EXOC4: variants seen among roughly 807,000 people sequenced by gnomAD.
EXOC4 encodes exocyst complex component 4.
Under a neutral mutation model 107.2 loss-of-function variants are expected in EXOC4, and 71 were observed. That is an observed-to-expected ratio of 0.66 (90% CI 0.55 to 0.81). The LOEUF (loss-of-function observed/expected upper bound fraction) is 0.81, where lower values mean the gene tolerates loss of function less well. Among genes scored for constraint, EXOC4 ranks in the 30% least tolerant of loss-of-function variants. The pLI is 0.00. For synonymous variants in EXOC4, 456 were observed against 441.2 expected, an observed-to-expected ratio of 1.03 and a Z score of -0.42; for missense variants, 1,108 against 1,189.6, an observed-to-expected ratio of 0.93 and a Z score of 1.01.
intron 9 of EXOC4, among the ~76,000 whole-genome samples, chr7:133,598,752 C>T (rs1039960039): frequency 2.0e-5 from 3 of 152,056 alleles, no homozygotes; most frequent in African/African-American, 4.8e-5. Context: ...GAGGCTGAAG[C>T]GGGTGGATTA....
At chr7:134,060,005 A>C (rs924790044) in intron 17 of EXOC4, among the ~76,000 whole-genome samples, 21 of 152,220 alleles carry the variant, frequency 1.4e-4, no homozygotes, top group Admixed American at 1.4e-3. Flanking sequence ...GTCGCAGTGC[A>C]ATACCATTAA....
intron 7 of EXOC4, among the ~76,000 whole-genome samples, chr7:133,461,102 T>C (rs1798582772): frequency 6.6e-6 from 1 of 152,118 alleles, no homozygotes; most frequent in South Asian, 2.1e-4. Context: ...AGAATTTAGG[T>C]ATTTTGGAAA....
chr7:133,475,364 C>G lies in EXOC4; in HGVS notation c.1219C>G (p.Arg407Gly). ...TGAGTACTTGGATATGAAAAATACT[C>G]GTACGGCCTCTGAACCATCAGCTCA... ...LTEYLDMKNT[R>G]TASEPSAQLS... The change falls in exon 8 of 18, where the codon CGT becomes GGT. Residue 407 changes from arginine to glycine, a missense_variant. By Grantham distance (125) the Arg-to-Gly change is moderately radical (BLOSUM62 -2). Transcript: ENST00000253861. 1 of 1,613,696 alleles carries G rather than the reference C, an allele frequency of 6.2e-7. No homozygotes were observed. Among genetic ancestry groups the G allele is most frequent in the Non-Finnish European group, 8.5e-7 (1 of 1,179,624 alleles).
intron 11 of EXOC4, among the ~76,000 whole-genome samples, chr7:133,884,614 T>C (rs923392858): frequency 9.0e-5 from 13 of 144,034 alleles, no homozygotes; most frequent in Non-Finnish European, 1.5e-4. Flanking sequence ...TGTGTGTGTG[T>C]GTGTGTGCGC....
intron 10 of EXOC4, among the ~76,000 whole-genome samples, chr7:133,634,151 G>A (rs1189254947): frequency 2.0e-5 from 3 of 151,838 alleles, no homozygotes; most frequent in Non-Finnish European, 2.9e-5. Flanking sequence ...TTATTATACC[G>A]GGTCCTCAAT....
chr7:134,044,691 A>T (rs1325041551), intron 17 of EXOC4, among the ~76,000 whole-genome samples: 1 of 152,220 alleles, frequency 6.6e-6, no homozygotes, highest in Admixed American at 6.5e-5. Flanking sequence ...CGTTAGCACA[A>T]TGTGCACACT....
intron 17 of EXOC4, among the ~76,000 whole-genome samples, chr7:134,047,153 G>C (rs1795675380): frequency 6.6e-6 from 1 of 152,134 alleles, no homozygotes; most frequent in Non-Finnish European, 1.5e-5. Flanking sequence ...TTTAGTTTTT[G>C]TGTGGTCCAA....
intron 17 of EXOC4, among the ~76,000 whole-genome samples, chr7:134,046,911 C>T (rs958342524): frequency 4.6e-5 from 7 of 152,210 alleles, no homozygotes; most frequent in Admixed American, 1.3e-4. Flanking sequence ...GCAAATGTTG[C>T]GCTCCAAAGG....
At chr7:133,311,664 TAAAA>T (rs1165860651) in intron 4 of EXOC4, among the ~76,000 whole-genome samples, 5 of 152,084 alleles carry the variant, frequency 3.3e-5, no homozygotes, top group African/African-American at 1.2e-4. Flanking sequence ...GTTTAACCAT[TAAAA>T]AACCCAAAAC....
intron 11 of EXOC4, 117 bp from the exon 12 acceptor site, chr7:133,895,482 C>A: frequency 9.6e-7 from 1 of 1,046,754 alleles, no homozygotes; most frequent in Non-Finnish European, 1.4e-6. Flanking sequence ...TTCAAAATGT[C>A]ACATTCTTGC....
At chr7:133,380,786 A>C (rs1046133882) in intron 7 of EXOC4, among the ~76,000 whole-genome samples, 2 of 152,204 alleles carry the variant, frequency 1.3e-5, no homozygotes, top group Non-Finnish European at 2.9e-5. Flanking sequence ...TAATGCATAC[A>C]TGTACCAATG....
chr7:133,814,279 A>G (rs1000525246), intron 10 of EXOC4, among the ~76,000 whole-genome samples: 8 of 152,224 alleles, frequency 5.3e-5, no homozygotes, highest in African/African-American at 1.9e-4. Flanking sequence ...CCGTAGATTG[A>G]TCTGAGCTTG....
Position 133,313,493 on chromosome 7 carries a change from C to T in EXOC4, c.657-3791C>T, listed in dbSNP as rs1420780298. Among the ~76,000 whole-genome samples, 3 of 152,076 alleles carry T rather than the reference C, an allele frequency of 2.0e-5. 1 individual carries two copies. Among genetic ancestry groups the T allele is most frequent in the Admixed American group, 1.3e-4 (2 of 15,258 alleles). On this transcript the variant is annotated intron_variant, in intron 4 of 17. Transcript: ENST00000253861. Reference sequence around the variant, plus strand: ...TATATAAGTGAATATATCAGTTATTCGATTTACAACTTAAAGTTCAACTCA... The same window carrying T: ...TATATAAGTGAATATATCAGTTATTTGATTTACAACTTAAAGTTCAACTCA...
intron 17 of EXOC4, among the ~76,000 whole-genome samples, chr7:134,021,472 A>G (rs1055085835): frequency 1.3e-5 from 2 of 152,178 alleles, no homozygotes; most frequent in Non-Finnish European, 2.9e-5. Context: ...TCAAAAACAT[A>G]AATGTCACAT....
intron 9 of EXOC4, among the ~76,000 whole-genome samples, chr7:133,611,838 C>T (rs1032768377): frequency 3.3e-5 from 5 of 152,152 alleles, no homozygotes; most frequent in African/African-American, 7.2e-5. Context: ...AGGGTCTCTC[C>T]TGCCATTCTC....
intron 5 of EXOC4, among the ~76,000 whole-genome samples, chr7:133,339,527 T>G (rs896065672): frequency 2.0e-5 from 3 of 152,186 alleles, no homozygotes; most frequent in Non-Finnish European, 2.9e-5. Context: ...TTAAGATTGT[T>G]TTTTCTAGTT....
chr7:133,662,905 C>T (rs909598758), intron 10 of EXOC4, among the ~76,000 whole-genome samples: 1 of 152,168 alleles, frequency 6.6e-6, no homozygotes, highest in African/African-American at 2.4e-5. Flanking sequence ...GTACTCAAAA[C>T]ATCTCACAGA....
intron 7 of EXOC4, among the ~76,000 whole-genome samples, chr7:133,457,534 A>G (rs1236239343): frequency 2.0e-5 from 3 of 152,138 alleles, no homozygotes; most frequent in Non-Finnish European, 2.9e-5. Flanking sequence ...CATTTTCTCA[A>G]TTAGGTTGCG....
chr7:133,478,944 C>A (rs1424585), intron 8 of EXOC4: 151,697 of 152,268 alleles, frequency 1, 75,570 homozygotes, highest in Middle Eastern at 1. Context: ...GAGGGGATCA[C>A]GTAACCCAAG....
Sources: allele counts gnomAD v4.1 joint callset (sites outside exome capture counted in the v4.1 genomes callset), GRCh38; gene constraint gnomAD v4.1.1; transcripts MANE v1.5; gene names NCBI Gene and HGNC (gene_info 2026-07-23, HGNC 2026-07-21).